Variants in RAD51B observed in about 807,000 individuals in gnomAD.
RAD51B encodes the protein RAD51 paralog B, also known as DNA repair protein RAD51 homolog 2.
RAD51B carries 38 observed loss-of-function variants against 42.2 expected under a neutral mutation model. The observed-to-expected ratio is 0.90, with a 90% confidence interval of 0.70 to 1.18. The LOEUF (loss-of-function observed/expected upper bound fraction) is 1.18. Among genes scored for constraint, RAD51B ranks in the 50% most tolerant of loss-of-function variants. The pLI, the probability that RAD51B is intolerant of heterozygous loss-of-function variation, is 0.00. For synonymous variants in RAD51B, 154 were observed against 145.2 expected, an observed-to-expected ratio of 1.06 and a Z score of -0.43; for missense variants, 373 against 400.7, an observed-to-expected ratio of 0.93 and a Z score of 0.59.
chr14:68,497,201 A>G, intron 10 of RAD51B: 1 of 1,383,616 alleles, frequency 7.2e-7, no homozygotes, highest in African/African-American at 1.4e-5. Flanking sequence ...TCTGCCACAG[A>G]AACAAAATAT....
intron 10 of RAD51B, among the ~76,000 whole-genome samples, chr14:68,532,356 G>T (rs904940667): frequency 6.6e-6 from 1 of 151,812 alleles, no homozygotes; most frequent in African/African-American, 2.4e-5. Flanking sequence ...CAGAAAAAAA[G>T]AAAATGCAAT....
intron 7 of RAD51B, among the ~76,000 whole-genome samples, chr14:68,051,554 G>C (rs1422834667): frequency 2.0e-5 from 3 of 151,778 alleles, no homozygotes; most frequent in Non-Finnish European, 4.4e-5. Flanking sequence ...TGCCACAGGA[G>C]TGCTCATTAT....
At chr14:68,123,067 A>G (rs2077682906) in intron 7 of RAD51B, among the ~76,000 whole-genome samples, 1 of 152,160 alleles carries the variant, frequency 6.6e-6, no homozygotes, top group Non-Finnish European at 1.5e-5. Context: ...CAGGAAAAAG[A>G]GACTTTCTTT....
At chr14:68,204,317 A>G (rs1475602608) in intron 7 of RAD51B, among the ~76,000 whole-genome samples, 1 of 152,212 alleles carries the variant, frequency 6.6e-6, no homozygotes, top group Admixed American at 6.5e-5. Flanking sequence ...TGGGAAAAAG[A>G]TGGGGAAATA....
In RAD51B at chr14:68,453,102, A is replaced by C. The variant is rs143664661; in HGVS notation, c.958-15070A>C. ...TGTGCATAACCCTCAAACTGATATT[A>C]AGATAATGTTACTAAATCACTACCT... is the stretch of plus-strand genomic sequence containing the variant. On this transcript the variant is annotated intron_variant, in intron 9 of 10. Transcript: ENST00000471583. 3.9e-4 allele frequency among the ~76,000 whole-genome samples: 59 copies of C among 152,276 alleles called. 1 individual carries two copies. The East Asian group carries it at 0.011, about 29-fold the overall frequency.
intron 8 of RAD51B, among the ~76,000 whole-genome samples, chr14:68,384,520 G>T (rs530698148): frequency 6.6e-6 from 1 of 152,196 alleles, no homozygotes; most frequent in African/African-American, 2.4e-5. Context: ...TCCCAGAGTG[G>T]CAAGGCTGGC....
At chr14:67,980,762 A>T (rs1291251990) in intron 7 of RAD51B, among the ~76,000 whole-genome samples, 1 of 152,214 alleles carries the variant, frequency 6.6e-6, no homozygotes, top group African/African-American at 2.4e-5. Flanking sequence ...AAAATGTAAA[A>T]ACTAAAACTA....
At chr14:68,341,600 T>C (rs927991443) in intron 8 of RAD51B, among the ~76,000 whole-genome samples, 7 of 152,212 alleles carry the variant, frequency 4.6e-5, no homozygotes, top group African/African-American at 9.6e-5. Flanking sequence ...TAATTCCATC[T>C]CTCTGCTCTG....
intron 7 of RAD51B, among the ~76,000 whole-genome samples, chr14:67,901,731 G>A (rs1037296360): frequency 6.6e-6 from 1 of 152,178 alleles, no homozygotes; most frequent in Admixed American, 6.5e-5. Flanking sequence ...ATACTATTCA[G>A]CCATAAAAAG....
chr14:68,513,239 A>G (rs1056918956), intron 10 of RAD51B, among the ~76,000 whole-genome samples: 1 of 152,232 alleles, frequency 6.6e-6, no homozygotes, highest in African/African-American at 2.4e-5. Flanking sequence ...AAACACTGGC[A>G]TTCAGACACA....
At chr14:68,088,363 A>T (rs73286213) in intron 7 of RAD51B, among the ~76,000 whole-genome samples, 3,822 of 152,030 alleles carry the variant, frequency 0.025, 164 homozygotes, top group African/African-American at 0.087. Flanking sequence ...ACCAATTTGG[A>T]TCGCTGTCAT....
intron 7 of RAD51B, among the ~76,000 whole-genome samples, chr14:68,241,409 G>A (rs1183529947): frequency 6.6e-6 from 1 of 152,168 alleles, no homozygotes; most frequent in Non-Finnish European, 1.5e-5. Context: ...GGGTATGGTG[G>A]CGGGCGCCTG....
intron 4 of RAD51B, among the ~76,000 whole-genome samples, chr14:67,862,275 TA>T (rs2042188180): frequency 6.6e-6 from 1 of 151,960 alleles, no homozygotes; most frequent in African/African-American, 2.4e-5. Context: ...ATTTATCAAT[TA>T]AAAATATTAA....
intron 7 of RAD51B, among the ~76,000 whole-genome samples, chr14:68,252,295 T>G (rs1176826623): frequency 6.6e-6 from 1 of 152,206 alleles, no homozygotes; most frequent in Non-Finnish European, 1.5e-5. Context: ...TCCCTATTAT[T>G]TATCCCAACC....
downstream of RAD51B, among the ~76,000 whole-genome samples, chr14:68,478,706 A>C (rs889454134): frequency 2.0e-5 from 3 of 152,232 alleles, no homozygotes; most frequent in Non-Finnish European, 4.4e-5. Context: ...CCTCCATCAG[A>C]GATTTTTAGT....
At chr14:68,149,668 TG>T (rs1311634088) in intron 7 of RAD51B, 1 of 152,276 alleles carries the variant, frequency 6.6e-6, no homozygotes, top group African/African-American at 2.4e-5. Context: ...TGGCTATTCA[TG>T]GGCTTGATCC....
At chr14:68,302,509 T>C (rs1190178383) in intron 8 of RAD51B, among the ~76,000 whole-genome samples, 1 of 66,558 alleles carries the variant, frequency 1.5e-5, no homozygotes, top group Non-Finnish European at 3.9e-5. Flanking sequence ...AGGGGCCGGA[T>C]TGCCGAGACC....
chr14:68,573,992 G>A (rs906648987), intron 10 of RAD51B, among the ~76,000 whole-genome samples: 1 of 151,946 alleles, frequency 6.6e-6, no homozygotes, highest in African/African-American at 2.4e-5. Context: ...GTGTGTGTGT[G>A]TGTGTGTGTG....
intron 7 of RAD51B, among the ~76,000 whole-genome samples, chr14:68,191,849 A>G (rs2079273614): frequency 6.6e-6 from 1 of 152,228 alleles, no homozygotes; most frequent in African/African-American, 2.4e-5. Flanking sequence ...GGCAGGCAGT[A>G]AAGTTACCTT....
Sources: allele counts gnomAD v4.1 joint callset (sites outside exome capture counted in the v4.1 genomes callset), GRCh38; gene constraint gnomAD v4.1.1; transcripts MANE v1.5; gene names NCBI Gene and HGNC (gene_info 2026-07-23, HGNC 2026-07-21).